The following FNIP2 variants were observed in gnomAD, a reference collection of about 807,000 sequenced individuals.
The protein encoded by FNIP2 is folliculin-interacting protein 2.
Under a neutral mutation model 108.7 loss-of-function variants are expected in FNIP2, and 32 were observed. That is an observed-to-expected ratio of 0.29 (90% confidence interval 0.22 to 0.40). The LOEUF (loss-of-function observed/expected upper bound fraction) is 0.40, where lower values mean the gene tolerates loss of function less well. FNIP2 is among the 10% of genes least tolerant of loss of function. The probability of loss-of-function intolerance (pLI) is 1.00; values close to 1 mark genes in which losing one functional copy is unlikely to be tolerated. For missense variants in FNIP2, 1,202 were observed against 1,381.6 expected (o/e 0.87, Z 2.06); for synonymous variants, 480 against 496.7 (o/e 0.97, Z 0.45).
intron 12 of FNIP2, among the ~76,000 whole-genome samples, chr4:158,863,130 CAA>C (rs2126684542): frequency 6.6e-6 from 1 of 152,284 alleles, no homozygotes; most frequent in Non-Finnish European, 1.5e-5. Flanking sequence ...TGGCTATTGA[CAA>C]GAGGAGTGTG....
At chr4:158,863,510 C>T (rs1001893835) in intron 12 of FNIP2, among the ~76,000 whole-genome samples, 95 of 152,284 alleles carry the variant, frequency 6.2e-4, no homozygotes, top group African/African-American at 2.2e-3. Flanking sequence ...GGAGGGAAGC[C>T]GGATGCCACT....
At chr4:158,850,585 T>C (rs1286203169) in intron 7 of FNIP2, among the ~76,000 whole-genome samples, 1 of 149,060 alleles carries the variant, frequency 6.7e-6, no homozygotes, top group Non-Finnish European at 1.5e-5. Context: ...AGAAAGCATA[T>C]TGGAGAGTAG....
At chr4:158,794,355 T>G (rs968162416) in intron 1 of FNIP2, among the ~76,000 whole-genome samples, 3 of 152,118 alleles carry the variant, frequency 2.0e-5, no homozygotes, top group African/African-American at 7.2e-5. Flanking sequence ...AGGGTCTCCC[T>G]ATGTTGCCCA....
At position 158,832,072 on chromosome 4, in the gene FNIP2, C is replaced by A; in HGVS notation, c.488C>A (p.Pro163His). 6.2e-7 allele frequency: 1 copy of A among 1,613,652 alleles called. No homozygotes were observed. Among genetic ancestry groups the A allele is most frequent in the South Asian group, 1.1e-5 (1 of 91,050 alleles). Reference protein sequence around the residue: ...STLKIHYIRSPPQLMISKVFS... With the variant: ...STLKIHYIRSHPQLMISKVFS... ...TCCTTTTTTCCCCTCCACAGTTCTC[C>A]TCCACAACTGATGATTAGTAAAGTC... Residue 163 changes from proline to histidine, a missense_variant, in exon 5 of 17, where the codon CCT becomes CAT. Coordinates refer to ENST00000264433, the MANE Select transcript of FNIP2 (RefSeq NM_020840.3).
chr4:158,834,695 G>A (rs187878463), intron 6 of FNIP2: 31 of 152,290 alleles, frequency 2.0e-4, no homozygotes, highest in Admixed American at 7.8e-4. Flanking sequence ...CTTCACTACA[G>A]CAGCAGCATA....
chr4:158,875,541 T>TATATATATATATATATATATATATATGC (rs1553964269), intron 14 of FNIP2, among the ~76,000 whole-genome samples: 5 of 141,438 alleles, frequency 3.5e-5, no homozygotes, highest in African/African-American at 1.4e-4. Flanking sequence ...TATATATATA[T>TATATATATATATATATATATATATATGC]GCTCATGAAT....
intron 16 of FNIP2, among the ~76,000 whole-genome samples, chr4:158,900,855 A>G (rs533800111): frequency 1.1e-4 from 16 of 152,264 alleles, no homozygotes; most frequent in Middle Eastern, 3.4e-3. Flanking sequence ...ATATTGTTAT[A>G]TGTGAATGTG....
At chr4:158,819,460 A>C (rs760552792) in intron 1 of FNIP2, among the ~76,000 whole-genome samples, 2 of 152,238 alleles carry the variant, frequency 1.3e-5, no homozygotes, top group Non-Finnish European at 2.9e-5. Flanking sequence ...AACTTTAAGC[A>C]CTTTTCACTA....
intron 1 of FNIP2, among the ~76,000 whole-genome samples, chr4:158,806,739 T>C (rs1269735111): frequency 6.6e-6 from 1 of 152,186 alleles, no homozygotes; most frequent in Non-Finnish European, 1.5e-5. Flanking sequence ...CTGTTCACAG[T>C]AATTATCAGG....
chr4:158,858,442 C>T lies in FNIP2; in HGVS notation c.858-615C>T, dbSNP rs547357951. ...ATATATATTTAGAAGTTTTGGGCTT[C>T]GTGGCTGTCATCATAGAAGCCGAGT... is the stretch of plus-strand genomic sequence containing the variant. On this transcript the variant is annotated intron_variant, in intron 8 of 16. Transcript: ENST00000264433. Among the ~76,000 whole-genome samples, 5 of 152,228 alleles carry T rather than the reference C, an allele frequency of 3.3e-5. No homozygotes were observed. The East Asian group carries it at 5.8e-4, about 18-fold the overall frequency.
Position 158,869,324 on chromosome 4 carries a change from C to G in FNIP2, c.2688C>G (p.Ala896=). ...CCCGAAATGAAAGCTCAGATAGCGC[C>G]CTGGGAGACAGTGACGACGAAGCCT... is the stretch of plus-strand genomic sequence containing the variant. The part of the protein sequence containing the change: ...DIPRNESSDS[A]LGDSDDEACA... Residue 896 remains alanine, a synonymous_variant, in exon 13 of 17, where the codon GCC becomes GCG. Coordinates refer to ENST00000264433, the MANE Select transcript of FNIP2 (RefSeq NM_020840.3). 7 of 1,613,692 alleles carry G rather than the reference C, an allele frequency of 4.3e-6. No homozygotes were observed. Among genetic ancestry groups the G allele is most frequent in the Non-Finnish European group, 5.9e-6 (7 of 1,179,782 alleles).
chr4:158,774,356 A>G (rs1332879490), intron 1 of FNIP2, among the ~76,000 whole-genome samples: 2 of 152,082 alleles, frequency 1.3e-5, no homozygotes, highest in Non-Finnish European at 2.9e-5. Context: ...TGTGATTTGG[A>G]TTATTTTAAA....
At position 158,868,227 on chromosome 4, in the gene FNIP2, C is replaced by G; in HGVS notation, c.1591C>G (p.Gln531Glu). 1.9e-6 allele frequency: 3 copies of G among 1,614,060 alleles called. No individual in the cohort carries two copies. ...CTACTTTCTCCGTTGCTCTGAGCTACAAGAGAACCAGCTGACCTGGAGTGG... is the reference window on the plus strand; with the variant it reads ...CTACTTTCTCCGTTGCTCTGAGCTAGAAGAGAACCAGCTGACCTGGAGTGG... ...LTYFLRCSELQENQLTWSGNH... is the reference protein window; with the variant it reads ...LTYFLRCSELEENQLTWSGNH... The change falls in exon 13 of 17, where the codon CAA (glutamine) becomes GAA (glutamate). Residue 531 changes from glutamine (Q) to glutamate (E), a missense_variant. Coordinates refer to ENST00000264433, the MANE Select transcript of FNIP2 (RefSeq NM_020840.3). The surrounding 1 kb of genome is among the most constrained non-coding windows in gnomAD (Gnocchi z 4.6).
chr4:158,883,246 T>G (rs1031590125), intron 14 of FNIP2, among the ~76,000 whole-genome samples: 3 of 151,740 alleles, frequency 2.0e-5, no homozygotes, highest in Non-Finnish European at 4.4e-5. Flanking sequence ...GTTTTTTGTT[T>G]TTTTTGTTTT....
At chr4:158,876,000 CAT>C (rs745348182) in intron 14 of FNIP2, among the ~76,000 whole-genome samples, 14 of 152,118 alleles carry the variant, frequency 9.2e-5, no homozygotes, top group Non-Finnish European at 1.6e-4. Flanking sequence ...TATTTATACA[CAT>C]GTGCACACAT....
rs1401051255 is a variant in FNIP2, at chr4:158,895,760, A to T, written c.3161A>T (p.His1054Leu). 6.2e-7 allele frequency: 1 copy of T among 1,608,950 alleles called. No individual in the cohort carries two copies. The highest frequency in any genetic ancestry group is 1.7e-5 in the Admixed American group (1 of 59,766). ...LHLPADFCIM[H>L]LEDRLQEMYL... ...TTCTTGGCTTTGCAGTGCATCATGC[A>T]TCTTGAAGATAGACTACAGGAGATG... Residue 1054 changes from histidine (H) to leucine (L), a missense_variant, in exon 16 of 17, where the codon CAT (histidine) becomes CTT (leucine). His to Leu is a moderately conservative substitution (Grantham distance 99, BLOSUM62 -3). This residue lies in a region of FNIP2 where 142 missense variants were observed against 183.8 expected (regional missense o/e 0.77). Coordinates refer to ENST00000264433, the MANE Select transcript of FNIP2 (RefSeq NM_020840.3).
intron 1 of FNIP2, among the ~76,000 whole-genome samples, chr4:158,791,266 C>CTTT (rs199714823): frequency 5.9e-4 from 58 of 98,070 alleles, no homozygotes; most frequent in Middle Eastern, 6.0e-3. Flanking sequence ...ACTGAGGATC[C>CTTT]TTTTTTTTTT....
intron 1 of FNIP2, among the ~76,000 whole-genome samples, chr4:158,811,665 C>CAA (rs1468823169): frequency 7.2e-5 from 11 of 152,118 alleles, no homozygotes; most frequent in African/African-American, 2.4e-4. Context: ...TGATTACACA[C>CAA]ACACACACAA....
chr4:158,858,888 G>A (rs904266095), intron 8 of FNIP2, among the ~76,000 whole-genome samples, 169 bp from the exon 9 acceptor site: 4 of 152,210 alleles, frequency 2.6e-5, no homozygotes, highest in Non-Finnish European at 5.9e-5. Context: ...TGGCAGGCAA[G>A]CTGATGTTCT....
Sources: allele counts gnomAD v4.1 joint callset (sites outside exome capture counted in the v4.1 genomes callset), GRCh38; gene constraint gnomAD v4.1.1; regional missense constraint gnomAD v4.1.1; non-coding constraint Gnocchi (gnomAD v3.1); transcripts MANE v1.5; gene names NCBI Gene and HGNC (gene_info 2026-07-23, HGNC 2026-07-21).